Variants in AFAP1L2 observed in about 807,000 individuals in gnomAD.
AFAP1L2 encodes the protein actin filament-associated protein 1-like 2.
AFAP1L2 carries 46 observed loss-of-function variants against 99.3 expected under a neutral mutation model. That is an observed-to-expected ratio of 0.46 (90% CI 0.37 to 0.59). The LOEUF (loss-of-function observed/expected upper bound fraction) is 0.59. AFAP1L2 is among the 20% of genes least tolerant of loss of function. AFAP1L2 has a pLI of 0.00. For missense variants in AFAP1L2, 959 were observed against 1,034.9 expected (o/e 0.93, Z 1.01); for synonymous variants, 397 against 419.1 (o/e 0.95, Z 0.64).
intron 5 of AFAP1L2, among the ~76,000 whole-genome samples, chr10:114,320,196 C>T (rs1290580928): frequency 2.0e-5 from 3 of 152,204 alleles, no homozygotes; most frequent in African/African-American, 7.2e-5. Context: ...GTATCTCTGG[C>T]AAGCAGGGCA....
the AFAP1L2 span, chr10:114,286,040 A>G: frequency 6.2e-7 from 1 of 1,613,878 alleles, no homozygotes; most frequent in East Asian, 2.2e-5. Context: ...AGTCTTCGTG[A>G]AGCGGTTTGT....
intron 1 of AFAP1L2, among the ~76,000 whole-genome samples, chr10:114,358,785 G>T (rs1467993020): frequency 6.6e-6 from 1 of 152,070 alleles, no homozygotes; most frequent in African/African-American, 2.4e-5. Flanking sequence ...CGTGGTGGCA[G>T]ATACCTGTAA....
chr10:114,372,572 A>G lies in AFAP1L2; in HGVS notation c.17-31841T>C, dbSNP rs535451686. On this transcript the variant is annotated intron_variant, in intron 1 of 18. Transcript: ENST00000304129. ...CTTTTGTATATTTCCTTCTATTTTT[A>G]TTAAGCTTTTATTGGAAAAATGGAG... 1.6e-4 allele frequency among the ~76,000 whole-genome samples: 25 copies of G among 152,084 alleles called. No homozygotes were observed. The East Asian group carries it at 4.8e-3, about 29-fold the overall frequency.
At position 114,295,820 on chromosome 10, in the gene AFAP1L2, T is replaced by C. The variant is rs1436054876; in HGVS notation, c.*222A>G. ...AATACAACGTCTTGTTTACATCCAA[T>C]AGACTTAGGTCTCCAAAGAAGCCTC... On this transcript the variant is annotated 3_prime_UTR_variant, in exon 19 of 19. Transcript: ENST00000304129. 1.5e-6 allele frequency: 2 copies of C among 1,365,716 alleles called. No homozygotes were observed. Among genetic ancestry groups the C allele is most frequent in the African/African-American group, 1.5e-5 (1 of 68,692 alleles). 84.6% of individuals were successfully genotyped at this position (1,365,716 alleles called of 1,614,324 possible).
chr10:114,319,303 C>T (rs1244859646), intron 5 of AFAP1L2, among the ~76,000 whole-genome samples: 1 of 149,964 alleles, frequency 6.7e-6, no homozygotes, highest in East Asian at 2.0e-4. Flanking sequence ...TCACTGTGTC[C>T]TGTGGAACTG....
Position 114,401,880 on chromosome 10 carries a change from C to T in AFAP1L2, c.16+2560G>A, listed in dbSNP as rs192552836. 2.4e-4 allele frequency among the ~76,000 whole-genome samples: 36 copies of T among 152,290 alleles called. No homozygotes were observed. The South Asian group carries it at 7.0e-3, about 30-fold the overall frequency. The stretch of plus-strand genomic sequence containing the variant: ...AAGCAGGCTAAGGAACATGGAAAGA[C>T]AATTTCTCCTACATGAACTGCTTTA... On this transcript the variant is annotated intron_variant, in intron 1 of 18. Transcript: ENST00000304129.
At chr10:114,383,050 A>G (rs1370205947) in intron 1 of AFAP1L2, among the ~76,000 whole-genome samples, 2 of 152,200 alleles carry the variant, frequency 1.3e-5, no homozygotes, top group Non-Finnish European at 2.9e-5. Flanking sequence ...TACTCCATAA[A>G]TACGTCAATT....
At chr10:114,291,149 CAG>C (rs1021973508), downstream of AFAP1L2, 13 of 1,543,216 alleles carry the variant, frequency 8.4e-6, no homozygotes, top group Non-Finnish European at 1.1e-5. Context: ...AAGGGGTCCT[CAG>C]AGGCTGCTGG....
intron 1 of AFAP1L2, among the ~76,000 whole-genome samples, chr10:114,352,941 T>C (rs2050765878): frequency 6.6e-6 from 1 of 152,216 alleles, no homozygotes; most frequent in South Asian, 2.1e-4. Flanking sequence ...TTCCCCCTCA[T>C]CCATTCACTC....
chr10:114,384,667 C>T (rs1565059670), intron 1 of AFAP1L2, among the ~76,000 whole-genome samples: 1 of 152,224 alleles, frequency 6.6e-6, no homozygotes, highest in Non-Finnish European at 1.5e-5. Context: ...GTAGGTAAGG[C>T]CCATGGGGAG....
At chr10:114,310,828 G>C (rs2043122389) in intron 7 of AFAP1L2, among the ~76,000 whole-genome samples, 1 of 152,222 alleles carries the variant, frequency 6.6e-6, no homozygotes. Context: ...CAACTGCCTT[G>C]CTAGACAGTC....
rs542054335 is a variant in AFAP1L2 at position 114,402,717 on chromosome 10, G to A, written c.16+1723C>T. On this transcript the variant is annotated intron_variant, in intron 1 of 18. Transcript: ENST00000304129. ...TATCAGGTCAAGGGCCAAGTCAAAAGTTATTAATACAAAAGCCTTCTGAGA... is the reference window on the plus strand; with the variant it reads ...TATCAGGTCAAGGGCCAAGTCAAAAATTATTAATACAAAAGCCTTCTGAGA... Among the ~76,000 whole-genome samples the A allele has an allele frequency of 5.9e-5, 9 of 152,332 alleles. No individual in the cohort carries two copies. In the South Asian group the frequency reaches 1.9e-3, roughly 32 times the overall value.
chr10:114,315,589 G>C lies in AFAP1L2; in HGVS notation c.583C>G (p.Leu195Val). The C allele has an allele frequency of 6.2e-7, 1 of 1,614,122 alleles. No homozygotes were observed. Among genetic ancestry groups the C allele is most frequent in the Non-Finnish European group, 8.5e-7 (1 of 1,180,014 alleles). ...AGCCTGTTGTCCTTGATGACACAGA[G>C]CTGCTTGGCCCACTGTCCCAGCCAC... is the stretch of plus-strand genomic sequence containing the variant. ...KKWLGQWAKQ[L>V]CVIKDNRLLC... Residue 195 changes from leucine to valine, a missense_variant, in exon 6 of 19, where the codon CTC becomes GTC. Transcript: ENST00000304129.
At chr10:114,339,685 G>A (rs2048500219) in intron 2 of AFAP1L2, among the ~76,000 whole-genome samples, 1 of 152,062 alleles carries the variant, frequency 6.6e-6, no homozygotes, top group South Asian at 2.1e-4. Flanking sequence ...TAATTAGGGT[G>A]ACCCTAATCG....
intron 1 of AFAP1L2, among the ~76,000 whole-genome samples, chr10:114,367,136 G>A (rs567311269): frequency 3.9e-5 from 6 of 152,266 alleles, no homozygotes; most frequent in South Asian, 2.1e-4. Flanking sequence ...CTAACACATC[G>A]CTTACTGGCT....
chr10:114,358,744 G>A (rs974221925), intron 1 of AFAP1L2, among the ~76,000 whole-genome samples: 12 of 151,926 alleles, frequency 7.9e-5, no homozygotes, highest in Non-Finnish European at 1.3e-4. Context: ...GCGAAACCCC[G>A]TCTCTACTAA....
intron 1 of AFAP1L2, among the ~76,000 whole-genome samples, chr10:114,380,549 A>G (rs1190835556): frequency 6.6e-6 from 1 of 152,238 alleles, no homozygotes; most frequent in East Asian, 1.9e-4. Flanking sequence ...CCCCTGCACT[A>G]TATATAAAGG....
the AFAP1L2 span, among the ~76,000 whole-genome samples, chr10:114,287,407 C>T: frequency 6.6e-6 from 1 of 152,116 alleles, no homozygotes; most frequent in Non-Finnish European, 1.5e-5. Flanking sequence ...TCTCGAACTC[C>T]TGGGCTCAAG....
intron 1 of AFAP1L2, among the ~76,000 whole-genome samples, chr10:114,363,508 T>TTG (rs1278028584): frequency 1.3e-5 from 2 of 152,242 alleles, no homozygotes; most frequent in African/African-American, 4.8e-5. Context: ...GGCTGGGCAC[T>TTG]TGTGTAATTT....
Sources: gnomAD v4.1 joint callset for allele counts (sites outside exome capture counted in the v4.1 genomes callset) on GRCh38, gnomAD v4.1.1 for gene constraint, MANE v1.5 for transcripts, NCBI Gene and HGNC (gene_info 2026-07-23, HGNC 2026-07-21) for gene names.